Variants in ATP6V0A4 observed in about 807,000 individuals in gnomAD.
The protein encoded by ATP6V0A4 is V-type proton ATPase 116 kDa subunit a 4.
In ATP6V0A4, 86 loss-of-function variants were observed where a neutral mutation model predicts 107.3. That is an observed-to-expected ratio of 0.80 (90% CI 0.67 to 0.96). The LOEUF is 0.96. Among genes scored for constraint, ATP6V0A4 ranks in the 40% least tolerant of loss-of-function variants. The pLI is 0.00. For missense variants in ATP6V0A4, 908 were observed against 1,045.6 expected (o/e 0.87, Z 1.81); for synonymous variants, 353 against 381.4 (o/e 0.93, Z 0.87).
intron 11 of ATP6V0A4, among the ~76,000 whole-genome samples, chr7:138,752,388 A>AAAG (rs1274551246): frequency 7.8e-6 from 1 of 128,220 alleles, no homozygotes; most frequent in Non-Finnish European, 1.7e-5. Flanking sequence ...TTTTAAAAAA[A>AAAG]CCTCAATACG....
chr7:138,713,464 C>T (rs530798489), intron 20 of ATP6V0A4, among the ~76,000 whole-genome samples: 2 of 152,070 alleles, frequency 1.3e-5, no homozygotes, highest in East Asian at 1.9e-4. Context: ...TCGTTTCTAT[C>T]CCTTCAGCAC....
At chr7:138,707,214 T>C (rs1169331194) in intron 21 of ATP6V0A4, among the ~76,000 whole-genome samples, 1 of 73,150 alleles carries the variant, frequency 1.4e-5, no homozygotes, top group Non-Finnish European at 2.3e-5. Context: ...TATATTATAT[T>C]ATATAGAATA....
At chr7:138,729,760 C>G (rs908612311) in intron 17 of ATP6V0A4, among the ~76,000 whole-genome samples, 3 of 152,234 alleles carry the variant, frequency 2.0e-5, no homozygotes, top group African/African-American at 7.2e-5. Context: ...CTTGAGCCTT[C>G]ACGTTTCTCC....
intron 9 of ATP6V0A4, 68 bp downstream of exon 9, chr7:138,756,390 G>GC: frequency 6.2e-7 from 1 of 1,608,378 alleles, no homozygotes; most frequent in Non-Finnish European, 8.5e-7. Context: ...TGTGCATTTG[G>GC]CATTGCACAT....
At chr7:138,751,953 T>A (rs1031057091) in intron 11 of ATP6V0A4, among the ~76,000 whole-genome samples, 1 of 152,042 alleles carries the variant, frequency 6.6e-6, no homozygotes, top group East Asian at 1.9e-4. Context: ...TAGGGCAGTA[T>A]GCCCATGCCT....
At chr7:138,783,753 T>C (rs1048958799) in intron 2 of ATP6V0A4, among the ~76,000 whole-genome samples, 1 of 152,124 alleles carries the variant, frequency 6.6e-6, no homozygotes, top group African/African-American at 2.4e-5. Flanking sequence ...AAATGGGAAC[T>C]CCTACTTTTT....
At chr7:138,782,688 G>A (rs1807977466) in intron 2 of ATP6V0A4, among the ~76,000 whole-genome samples, 1 of 152,188 alleles carries the variant, frequency 6.6e-6, no homozygotes, top group African/African-American at 2.4e-5. Flanking sequence ...AGATCTGGAG[G>A]TTACTGGGGA....
chr7:138,752,932 C>T, intron 10 of ATP6V0A4, 95 bp from the exon 11 acceptor site: 1 of 1,554,848 alleles, frequency 6.4e-7, no homozygotes, highest in African/African-American at 1.4e-5. Flanking sequence ...CAGCAGCTTC[C>T]TCTGCTCTGG....
At chr7:138,707,103 C>A (rs1803415190) in intron 21 of ATP6V0A4, among the ~76,000 whole-genome samples, 2 of 43,674 alleles carry the variant, frequency 4.6e-5, no homozygotes, top group Admixed American at 4.2e-4. Context: ...TATAATATAT[C>A]ATATATATTA....
chr7:138,719,982 A>T (rs1216990382), intron 19 of ATP6V0A4, among the ~76,000 whole-genome samples: 3 of 151,548 alleles, frequency 2.0e-5, no homozygotes, highest in African/African-American at 7.3e-5. Context: ...CTGAGATCGC[A>T]CCATTGCACT....
chr7:138,777,742 C>T (rs76182315), intron 2 of ATP6V0A4, among the ~76,000 whole-genome samples: 16,503 of 151,468 alleles, frequency 0.11, 1,277 homozygotes, highest in East Asian at 0.36. Context: ...AAATAAAAAC[C>T]CTGTACAGTA....
chr7:138,709,738 C>T lies in ATP6V0A4; in HGVS notation c.2315G>A (p.Trp772Ter). The T allele has an allele frequency of 6.2e-7, 1 of 1,614,098 alleles. No homozygotes were observed. The highest frequency in any genetic ancestry group is 8.5e-7 in the Non-Finnish European group (1 of 1,179,996). ...VMNSGLQTRGWGGIVGVFIIF... is the reference protein window; with the variant it reads ...VMNSGLQTRG ...AATAAAAACCCCGACGATTCCTCCC[C>T]AGCCTCGCGTCTGAAGGCCGCTGTT... The change falls in exon 21 of 22, where the codon TGG (tryptophan) becomes TAG (stop). Residue 772 changes from tryptophan (W) to a stop codon, truncating the protein, a stop_gained. Coordinates refer to ENST00000310018, the MANE Select transcript of ATP6V0A4 (RefSeq NM_020632.3). LOFTEE classifies it high-confidence loss of function.
At chr7:138,725,494 A>G (rs1282530509) in intron 18 of ATP6V0A4, among the ~76,000 whole-genome samples, 1 of 151,818 alleles carries the variant, frequency 6.6e-6, no homozygotes, top group Non-Finnish European at 1.5e-5. Flanking sequence ...GGTAAGAGTG[A>G]CAGGAAGAAG....
At chr7:138,734,012 G>T in intron 16 of ATP6V0A4, 124 bp downstream of exon 16, 1 of 1,119,206 alleles carries the variant, frequency 8.9e-7, no homozygotes, top group Non-Finnish European at 1.3e-6. Context: ...AGATGCCCAG[G>T]GAAGTACCCC....
chr7:138,768,108 A>G (rs1266065480), intron 5 of ATP6V0A4, among the ~76,000 whole-genome samples: 6 of 152,034 alleles, frequency 3.9e-5, no homozygotes, highest in Admixed American at 6.6e-5. Flanking sequence ...TAATTTTTGT[A>G]TATTTAGTAG....
intron 19 of ATP6V0A4, among the ~76,000 whole-genome samples, chr7:138,718,263 T>C (rs1186641531): frequency 1.8e-5 from 1 of 55,514 alleles, no homozygotes; most frequent in Admixed American, 2.7e-4. Flanking sequence ...GAGGGAGACG[T>C]CCAGGAAGGA....
chr7:138,758,090 G>A (rs1037946041), intron 8 of ATP6V0A4, among the ~76,000 whole-genome samples: 1 of 152,084 alleles, frequency 6.6e-6, no homozygotes, highest in African/African-American at 2.4e-5. Flanking sequence ...CGGCGTCCAC[G>A]CTCATCTTTT....
At chr7:138,795,450 G>A (rs1808613064) in intron 1 of ATP6V0A4, among the ~76,000 whole-genome samples, 1 of 152,100 alleles carries the variant, frequency 6.6e-6, no homozygotes, top group Non-Finnish European at 1.5e-5. Context: ...ATAACCCCAG[G>A]CAGGCCATCT....
chr7:138,763,176 GACACACACAGACAC>G (rs1266354882), intron 5 of ATP6V0A4, 151 bp from the exon 6 acceptor site: 127 of 813,250 alleles, frequency 1.6e-4, no homozygotes, highest in Non-Finnish European at 2.0e-4. Context: ...GACACACACA[GACACACACAGACAC>G]ACACACACAC....
Sources: gnomAD v4.1 joint callset for allele counts (sites outside exome capture counted in the v4.1 genomes callset) on GRCh38, gnomAD v4.1.1 for gene constraint, MANE v1.5 for transcripts, NCBI Gene and HGNC (gene_info 2026-07-23, HGNC 2026-07-21) for gene names.